Variants in PALB2 observed in about 807,000 individuals in gnomAD.
The protein encoded by PALB2 is partner and localizer of BRCA2.
A neutral mutation model predicts 107.4 loss-of-function variants in PALB2; 82 were observed. The observed-to-expected ratio is 0.76, with a 90% CI of 0.64 to 0.92. PALB2 has a LOEUF of 0.92. Among genes scored for constraint, PALB2 ranks in the 40% least tolerant of loss-of-function variants. PALB2 has a pLI of 0.00. For missense variants in PALB2, 1,374 were observed against 1,379.9 expected, an observed-to-expected ratio of 1.00 and a Z score of 0.07; for synonymous variants, 489 against 496.8, an observed-to-expected ratio of 0.98 and a Z score of 0.21.
intron 6 of PALB2, among the ~76,000 whole-genome samples, 193 bp from the exon 7 acceptor site, chr16:23,626,590 A>G (rs1966843253): frequency 6.6e-6 from 1 of 152,058 alleles, no homozygotes; most frequent in Admixed American, 6.6e-5. Context: ...TACATCATGA[A>G]AGATTTTATT....
intron 4 of PALB2, among the ~76,000 whole-genome samples, chr16:23,632,823 G>A (rs1310397980): frequency 6.6e-6 from 1 of 152,226 alleles, no homozygotes; most frequent in Non-Finnish European, 1.5e-5. Flanking sequence ...GCTGGGCCTG[G>A]TGGCTCACGC....
rs587776420 is a variant in PALB2 at position 23,623,076 on chromosome 16, AG to A, written c.2888del (p.Ser963LeufsTer4). 1.2e-6 allele frequency: 2 copies of A among 1,613,948 alleles called. No individual in the cohort carries two copies. The highest frequency in any genetic ancestry group is 2.7e-5 in the African/African-American group (2 of 74,904). ...GGCCAAGCACAGCTTTTATATTTCC[AG>A]ACTTCAGTAGTACTTGCTTTTCACT... ...DESEKQVLLKSGNIKAVLGLT... is the reference protein window; with the variant it reads ...DESEKQVLLKXGNIKAVLGLT... On this transcript the variant is annotated frameshift_variant, in exon 9 of 13. Coordinates refer to ENST00000261584, the MANE Select transcript of PALB2 (RefSeq NM_024675.4). LOFTEE classifies it high-confidence loss of function.
rs180177091 is a variant in PALB2 at position 23,635,795 on chromosome 16, G to A, written c.751C>T (p.Gln251Ter). Residue 251 changes from glutamine (Q) to a stop codon, truncating the protein, a stop_gained, in exon 4 of 13, where the codon CAG becomes TAG. Transcript: ENST00000261584. LOFTEE classifies it high-confidence loss of function. ...CTACTACCGCTATCTGATAGAGTCT[G>A]TAAAGGAACTGTAGTCGCCCTGGTG... is the stretch of plus-strand genomic sequence containing the variant. ...NFTRATTVPLQTLSDSGSSQH... is the reference protein window; with the variant it reads ...NFTRATTVPL 1.9e-6 allele frequency: 3 copies of A among 1,614,024 alleles called. No individual in the cohort carries two copies. The highest frequency in any genetic ancestry group is 2.2e-5 in the East Asian group (1 of 44,884).
At chr16:23,604,799 C>A (rs1466857578) in intron 12 of PALB2, among the ~76,000 whole-genome samples, 1 of 139,808 alleles carries the variant, frequency 7.2e-6, no homozygotes, top group Non-Finnish European at 1.6e-5. Flanking sequence ...TGTGGCCAGG[C>A]CTGGTGGCTC....
intron 8 of PALB2, among the ~76,000 whole-genome samples, chr16:23,623,405 T>C (rs867421584): frequency 1.3e-5 from 2 of 150,908 alleles, no homozygotes; most frequent in South Asian, 2.1e-4. Flanking sequence ...GGTTTCACCA[T>C]GTTGGTCAGG....
intron 3 of PALB2, among the ~76,000 whole-genome samples, chr16:23,636,807 G>T (rs1967074237): frequency 6.6e-6 from 1 of 151,636 alleles, no homozygotes; most frequent in Non-Finnish European, 1.5e-5. Flanking sequence ...TTTCCCCCTT[G>T]GCTCAAGTAA....
In PALB2 at chr16:23,609,767, T is replaced by C. The variant is rs537879602; in HGVS notation, c.3202-1755A>G. On this transcript the variant is annotated intron_variant, in intron 11 of 12. Coordinates refer to ENST00000261584, the MANE Select transcript of PALB2 (RefSeq NM_024675.4). The stretch of plus-strand genomic sequence containing the variant: ...TCCTGACCTCATGATCCGCCCGCCT[T>C]AGCCTCCCAAAGTGCTGGGATTACA... Among the ~76,000 whole-genome samples the C allele has an allele frequency of 7.2e-5, 11 of 152,200 alleles. No individual in the cohort carries two copies. The South Asian group carries it at 8.3e-4, about 11-fold the overall frequency.
chr16:23,623,217 T>C, intron 8 of PALB2, 87 bp from the exon 9 acceptor site: 1 of 1,251,852 alleles, frequency 8.0e-7, no homozygotes, highest in Non-Finnish European at 1.1e-6. Flanking sequence ...TTTTTTTTTT[T>C]TTTTGAGACA....
rs515726064 is a variant in PALB2 at position 23,635,324 on chromosome 16, A to G, written c.1222T>C (p.Tyr408His). The G allele has an allele frequency of 1.2e-6, 2 of 1,614,042 alleles. No individual in the cohort carries two copies. Among genetic ancestry groups the G allele is most frequent in the South Asian group, 1.1e-5 (1 of 91,078 alleles). The change falls in exon 4 of 13, where the codon TAT becomes CAT. Residue 408 changes from tyrosine to histidine, a missense_variant. Tyr to His is a moderately conservative substitution (Grantham distance 83, BLOSUM62 2). Coordinates refer to ENST00000261584, the MANE Select transcript of PALB2 (RefSeq NM_024675.4). ...ATGCTTCGTGTTGTTCTAACATAAT[A>G]TTCTGCAGGAAACAGAAGGCCTTCA... is the stretch of plus-strand genomic sequence containing the variant. The part of the protein sequence containing the change: ...VPEGLLFPAE[Y>H]YVRTTRSMSN...
intron 10 of PALB2, among the ~76,000 whole-genome samples, chr16:23,618,471 C>G (rs1966720677): frequency 3.3e-5 from 5 of 151,928 alleles, no homozygotes; most frequent in Admixed American, 3.3e-4. Context: ...TACTAGAGCA[C>G]CGGGGAAATA....
chr16:23,614,483 G>C (rs1966644104), intron 10 of PALB2, among the ~76,000 whole-genome samples: 1 of 151,988 alleles, frequency 6.6e-6, no homozygotes, highest in Non-Finnish European at 1.5e-5. Flanking sequence ...TGTAGGGCAA[G>C]AGACTACACC....
chr16:23,606,821 C>T (rs1597065455), intron 12 of PALB2, among the ~76,000 whole-genome samples: 6 of 108,590 alleles, frequency 5.5e-5, no homozygotes, highest in Admixed American at 3.0e-4. Context: ...CTGCACCCTG[C>T]TTTTTTTTTT....
rs1555459414 is a variant in PALB2 at position 23,621,462 on chromosome 16, A to T, written c.3013T>A (p.Phe1005Ile). The T allele has an allele frequency of 1.2e-6, 2 of 1,613,888 alleles. No homozygotes were observed. Among genetic ancestry groups the T allele is most frequent in the Non-Finnish European group, 1.7e-6 (2 of 1,179,836 alleles). ...ATAGTCTCCTCAGGGGGCATCAAAA[A>T]TTGGTTTTCTTTGCCTCTGTAATTA... ...AEDGGGKENQFLMPPEETILT... is the reference protein window; with the variant it reads ...AEDGGGKENQILMPPEETILT... The change falls in exon 10 of 13, where the codon TTT becomes ATT. Residue 1005 changes from phenylalanine to isoleucine, a missense_variant. By Grantham distance (21) the Phe-to-Ile change is conservative (BLOSUM62 0). Coordinates refer to ENST00000261584, the MANE Select transcript of PALB2 (RefSeq NM_024675.4).
At position 23,632,831 on chromosome 16, in the gene PALB2, C is replaced by G. The variant is rs146654841; in HGVS notation, c.1684+2031G>C. 1.2e-4 allele frequency among the ~76,000 whole-genome samples: 18 copies of G among 152,320 alleles called. No homozygotes were observed. In the East Asian group the frequency reaches 2.3e-3, roughly 20 times the overall value. On this transcript the variant is annotated intron_variant, in intron 4 of 12. Coordinates refer to ENST00000261584, the MANE Select transcript of PALB2 (RefSeq NM_024675.4). The stretch of plus-strand genomic sequence containing the variant: ...ACTACTGGCTGGGCCTGGTGGCTCA[C>G]GCCTGTAATCCCAGCACTTTGGGAG...
At chr16:23,609,580 C>A (rs572611505) in intron 11 of PALB2, among the ~76,000 whole-genome samples, 41 of 151,982 alleles carry the variant, frequency 2.7e-4, no homozygotes, top group African/African-American at 9.4e-4. Context: ...TGCAGTGGTG[C>A]GATGTCTGCT....
At position 23,635,167 on chromosome 16, in the gene PALB2, T is replaced by C. The variant is rs749494645; in HGVS notation, c.1379A>G (p.Gln460Arg). 1.3e-4 allele frequency: 203 copies of C among 1,614,118 alleles called. No individual in the cohort carries two copies. In the East Asian group the frequency reaches 4.5e-3, roughly 36 times the overall value. ...NLNLSNEETDQSEIRMSGTCT... is the reference protein window; with the variant it reads ...NLNLSNEETDRSEIRMSGTCT... ...TGTGCCAGACATCCTAATTTCACTT[T>C]GGTCAGTTTCCTCATTGGAAAGGTT... is the stretch of plus-strand genomic sequence containing the variant. The change falls in exon 4 of 13, where the codon CAA (glutamine) becomes CGA (arginine). Residue 460 changes from glutamine to arginine, a missense_variant. Transcript: ENST00000261584.
chr16:23,605,632 C>T (rs1289363225), intron 12 of PALB2, among the ~76,000 whole-genome samples: 1 of 152,194 alleles, frequency 6.6e-6, no homozygotes, highest in Non-Finnish European at 1.5e-5. Flanking sequence ...TGGTCGCGAA[C>T]TCCTGACCTC....
rs533537431 is a variant in PALB2 at position 23,619,435 on chromosome 16, C to T, written c.3113+1927G>A. On this transcript the variant is annotated intron_variant, in intron 10 of 12. Transcript: ENST00000261584. ...CGATCTCGGCTCACTGCAACCTCTG[C>T]CTCCTAGGTTCCAGCGATTCTCCTG... Among the ~76,000 whole-genome samples, 5 of 152,078 alleles carry T rather than the reference C, an allele frequency of 3.3e-5. No homozygotes were observed. The South Asian group carries it at 8.3e-4, about 25-fold the overall frequency.
At chr16:23,617,714 A>C (rs1290932482) in intron 10 of PALB2, 2 of 152,042 alleles carry the variant, frequency 1.3e-5, no homozygotes, top group African/African-American at 4.8e-5. Context: ...ACTGTACTCC[A>C]GCATGGGCAA....
Sources: gnomAD v4.1 joint callset for allele counts (sites outside exome capture counted in the v4.1 genomes callset) on GRCh38, gnomAD v4.1.1 for gene constraint, MANE v1.5 for transcripts, NCBI Gene and HGNC (gene_info 2026-07-23, HGNC 2026-07-21) for gene names.